Variants in MUSK observed in about 807,000 individuals in gnomAD.
The protein encoded by MUSK is muscle associated receptor tyrosine kinase, also known as muscle, skeletal receptor tyrosine-protein kinase.
In MUSK, 55 loss-of-function variants were observed where a neutral mutation model predicts 88.7. The ratio of observed to expected loss-of-function variants is 0.62; its 90% CI spans 0.50 to 0.78. The LOEUF is 0.78. Among genes scored for constraint, MUSK ranks in the 30% least tolerant of loss-of-function variants. MUSK has a pLI of 0.00. For missense variants in MUSK, 1,015 were observed against 1,074.3 expected, an observed-to-expected ratio of 0.94 and a Z score of 0.77; for synonymous variants, 387 against 391.9, an observed-to-expected ratio of 0.99 and a Z score of 0.15.
chr9:110,779,572 C>A (rs916866739), intron 11 of MUSK, among the ~76,000 whole-genome samples: 1 of 152,120 alleles, frequency 6.6e-6, no homozygotes, highest in Non-Finnish European at 1.5e-5. Context: ...TTGAGAATAT[C>A]CAGAACTGAA....
intron 6 of MUSK, among the ~76,000 whole-genome samples, chr9:110,735,069 TC>T (rs2077012521): frequency 1.3e-5 from 2 of 152,054 alleles, no homozygotes; most frequent in African/African-American, 4.8e-5. Flanking sequence ...GACAGAAAGT[TC>T]AACCTTAGGA....
chr9:110,774,890 C>T (rs987423640), intron 9 of MUSK, among the ~76,000 whole-genome samples: 2 of 142,826 alleles, frequency 1.4e-5, no homozygotes, highest in African/African-American at 2.7e-5. Flanking sequence ...CACACACACA[C>T]ACTCTTACAA....
At chr9:110,701,289 AG>A (rs902288872) in intron 5 of MUSK, among the ~76,000 whole-genome samples, 3 of 152,184 alleles carry the variant, frequency 2.0e-5, no homozygotes, top group African/African-American at 7.2e-5. Flanking sequence ...TCTGCTGTAC[AG>A]GTGTAAGTTC....
At chr9:110,744,748 G>A (rs1011481872) in intron 6 of MUSK, among the ~76,000 whole-genome samples, 1 of 152,114 alleles carries the variant, frequency 6.6e-6, no homozygotes, top group Non-Finnish European at 1.5e-5. Context: ...CCCAGAGCAG[G>A]GAGCTGTGTC....
chr9:110,677,358 ACCT>A (rs1174584977), intron 1 of MUSK, among the ~76,000 whole-genome samples: 1 of 152,010 alleles, frequency 6.6e-6, no homozygotes, highest in African/African-American at 2.4e-5. Flanking sequence ...AATCAACATG[ACCT>A]CCTCATCAGG....
At chr9:110,729,328 AAAAAAAAAAAAAAAAAGAAAAAAG>A (rs1302752681) in intron 5 of MUSK, among the ~76,000 whole-genome samples, 2 of 12,706 alleles carry the variant, frequency 1.6e-4, no homozygotes, top group East Asian at 8.9e-4. Context: ...GTTTTCTGTA[AAAAAAAAAAAAAAAAAGAAAAAAG>A]AAAAAAAAAA....
At chr9:110,711,402 G>T (rs2076669640) in intron 5 of MUSK, among the ~76,000 whole-genome samples, 1 of 152,176 alleles carries the variant, frequency 6.6e-6, no homozygotes, top group Non-Finnish European at 1.5e-5. Flanking sequence ...GCTGGCAAAG[G>T]TCTCTGAGGA....
intron 9 of MUSK, among the ~76,000 whole-genome samples, chr9:110,772,811 G>A (rs1485849744): frequency 6.6e-6 from 1 of 152,004 alleles, no homozygotes; most frequent in East Asian, 1.9e-4. Flanking sequence ...TAACTGGTAA[G>A]TTTGATCTTC....
chr9:110,739,386 C>T (rs1157298404), intron 6 of MUSK, among the ~76,000 whole-genome samples: 1 of 152,118 alleles, frequency 6.6e-6, no homozygotes, highest in Non-Finnish European at 1.5e-5. Flanking sequence ...CTCACCCTAA[C>T]CTTGGTGTCC....
intron 5 of MUSK, among the ~76,000 whole-genome samples, chr9:110,719,242 C>T (rs1261062376): frequency 6.6e-6 from 1 of 151,988 alleles, no homozygotes; most frequent in Non-Finnish European, 1.5e-5. Context: ...CATCTCAATA[C>T]TAACGTGGAA....
intron 11 of MUSK, among the ~76,000 whole-genome samples, chr9:110,780,176 T>A (rs908033987): frequency 2.0e-5 from 3 of 152,240 alleles, no homozygotes; most frequent in African/African-American, 7.2e-5. Context: ...TTCTATTCGC[T>A]TTACGTTTTT....
intron 14 of MUSK, among the ~76,000 whole-genome samples, chr9:110,797,026 T>A (rs1588049153): frequency 3.3e-5 from 2 of 61,442 alleles, no homozygotes; most frequent in Non-Finnish European, 6.2e-5. Flanking sequence ...AGATGACACG[T>A]TAGTGGGTGC....
At chr9:110,680,038 A>G (rs1220525043) in intron 1 of MUSK, among the ~76,000 whole-genome samples, 1 of 152,096 alleles carries the variant, frequency 6.6e-6, no homozygotes, top group Non-Finnish European at 1.5e-5. Flanking sequence ...TTCTGGTATA[A>G]ATTATTCCTT....
intron 6 of MUSK, among the ~76,000 whole-genome samples, chr9:110,736,815 G>T (rs1037782520): frequency 6.6e-6 from 1 of 152,040 alleles, no homozygotes; most frequent in Non-Finnish European, 1.5e-5. Flanking sequence ...GGGACAAGAG[G>T]TTACTGCTAA....
intron 7 of MUSK, 40 bp downstream of exon 7, chr9:110,747,840 G>C: frequency 6.2e-7 from 1 of 1,601,550 alleles, no homozygotes; most frequent in Non-Finnish European, 8.6e-7. Flanking sequence ...CCAGGAGAGG[G>C]GAGAGTTGAT....
At chr9:110,747,089 A>G (rs1464723722) in intron 6 of MUSK, among the ~76,000 whole-genome samples, 1 of 152,210 alleles carries the variant, frequency 6.6e-6, no homozygotes, top group Non-Finnish European at 1.5e-5. Flanking sequence ...AATAACTATT[A>G]GTGCTCACAA....
chr9:110,686,911 T>C (rs937232227), intron 2 of MUSK, among the ~76,000 whole-genome samples: 3 of 152,214 alleles, frequency 2.0e-5, no homozygotes, highest in African/African-American at 7.2e-5. Context: ...ACTATGGTAC[T>C]TTGACTATTG....
chr9:110,757,533 T>G (rs757470635), intron 7 of MUSK, among the ~76,000 whole-genome samples: 1 of 152,128 alleles, frequency 6.6e-6, no homozygotes, highest in Non-Finnish European at 1.5e-5. Flanking sequence ...GACTAATTTT[T>G]GTATTGCTAA....
chr9:110,775,665 C>T (rs1413453540), intron 9 of MUSK, 123 bp from the exon 10 acceptor site: 7 of 856,632 alleles, frequency 8.2e-6, no homozygotes, highest in South Asian at 7.3e-5. Flanking sequence ...CTTTCATAAA[C>T]GCGCTTTTTT....
Sources: allele counts gnomAD v4.1 joint callset (sites outside exome capture counted in the v4.1 genomes callset), GRCh38; gene constraint gnomAD v4.1.1; transcripts MANE v1.5; gene names NCBI Gene and HGNC (gene_info 2026-07-23, HGNC 2026-07-21).